Variants in PAPPA2 observed in about 807,000 individuals in gnomAD.
The protein encoded by PAPPA2 is pappalysin-2.
PAPPA2 carries 86 observed loss-of-function variants against 176.4 expected under a neutral mutation model. The ratio of observed to expected loss-of-function variants is 0.49; its 90% confidence interval spans 0.41 to 0.58. PAPPA2 has a LOEUF of 0.58. Among genes scored for constraint, PAPPA2 ranks in the 20% least tolerant of loss-of-function variants. The pLI, the probability that PAPPA2 is intolerant of heterozygous loss-of-function variation, is 0.00. For synonymous variants in PAPPA2, 809 were observed against 852.2 expected, an observed-to-expected ratio of 0.95 and a Z score of 0.88; for missense variants, 2,073 against 2,256.9, an observed-to-expected ratio of 0.92 and a Z score of 1.65.
intron 12 of PAPPA2, among the ~76,000 whole-genome samples, chr1:176,736,356 TC>T (rs1463699320): frequency 6.6e-6 from 1 of 151,680 alleles, no homozygotes; most frequent in Non-Finnish European, 1.5e-5. Flanking sequence ...AAAATGTATT[TC>T]TTTTGTACAA....
intron 3 of PAPPA2, among the ~76,000 whole-genome samples, chr1:176,631,353 A>G (rs1656329062): frequency 6.6e-6 from 1 of 152,176 alleles, no homozygotes; most frequent in Admixed American, 6.5e-5. Context: ...GAGACTGAAA[A>G]GAGATTAGAG....
chr1:176,544,401 C>T (rs2206510), intron 1 of PAPPA2, among the ~76,000 whole-genome samples: 29,985 of 152,140 alleles, frequency 0.2, 3,782 homozygotes, highest in East Asian at 0.27. Context: ...GATTTGGAAA[C>T]ACTGATGGCC....
intron 1 of PAPPA2, among the ~76,000 whole-genome samples, chr1:176,499,758 G>A (rs1235717651): frequency 2.0e-5 from 3 of 152,200 alleles, no homozygotes; most frequent in Non-Finnish European, 4.4e-5. Flanking sequence ...CTTAATCACA[G>A]TCTATCATAC....
chr1:176,801,431 G>C (rs1472258320), intron 21 of PAPPA2, among the ~76,000 whole-genome samples: 1 of 152,044 alleles, frequency 6.6e-6, no homozygotes, highest in Non-Finnish European at 1.5e-5. Context: ...GAAAGGGTGG[G>C]GTTTGAGAGA....
intron 3 of PAPPA2, among the ~76,000 whole-genome samples, chr1:176,669,027 T>A (rs967212313): frequency 6.6e-6 from 1 of 151,876 alleles, no homozygotes. Context: ...TGAGGGAGGA[T>A]GGGAGGATGG....
At chr1:176,806,517 G>A (rs1370464926) in intron 21 of PAPPA2, among the ~76,000 whole-genome samples, 1 of 152,202 alleles carries the variant, frequency 6.6e-6, no homozygotes, top group Non-Finnish European at 1.5e-5. Flanking sequence ...ACCCTGTCAT[G>A]AGTGGAATCA....
chr1:176,553,285 G>A (rs1023672162), intron 1 of PAPPA2, among the ~76,000 whole-genome samples: 1 of 147,732 alleles, frequency 6.8e-6, no homozygotes, highest in Non-Finnish European at 1.5e-5. Context: ...GGCTGAGGGA[G>A]GGAGGGGGCA....
chr1:176,667,898 G>T (rs1404214352), intron 3 of PAPPA2, among the ~76,000 whole-genome samples: 9 of 152,026 alleles, frequency 5.9e-5, no homozygotes, highest in Non-Finnish European at 1.0e-4. Context: ...CTTTTACTTT[G>T]TTTAGTTGGG....
intron 17 of PAPPA2, among the ~76,000 whole-genome samples, chr1:176,778,861 T>C (rs1234103132): frequency 1.3e-5 from 2 of 152,188 alleles, no homozygotes; most frequent in Non-Finnish European, 2.9e-5. Flanking sequence ...CTTGAAATCC[T>C]CAAATATCTT....
chr1:176,512,290 A>G (rs34060133), intron 1 of PAPPA2, among the ~76,000 whole-genome samples: 2 of 151,992 alleles, frequency 1.3e-5, no homozygotes, highest in Non-Finnish European at 2.9e-5. Flanking sequence ...GAACTTTCAT[A>G]CACTGTTGGT....
rs78141634 is a variant in PAPPA2, at chr1:176,761,296, A to G, written c.4152-4370A>G. 4.6e-3 allele frequency among the ~76,000 whole-genome samples: 701 copies of G among 152,164 alleles called. 7 individuals carry two copies. The highest frequency in any genetic ancestry group is 0.016 in the African/African-American group (684 of 41,488). The stretch of plus-strand genomic sequence containing the variant: ...TTGACTTAAACCTCCCTTGTGAAAA[A>G]CTCAATCCTTTGGCTTAAAACACTG... On this transcript the variant is annotated intron_variant, in intron 14 of 22. Transcript: ENST00000367662.
intron 9 of PAPPA2, among the ~76,000 whole-genome samples, chr1:176,704,229 G>C (rs1249179299): frequency 1.3e-5 from 2 of 152,154 alleles, no homozygotes; most frequent in African/African-American, 4.8e-5. Flanking sequence ...CTTGGCTACT[G>C]GGTCTCGCAA....
intron 12 of PAPPA2, among the ~76,000 whole-genome samples, chr1:176,720,314 T>C (rs563676593): frequency 2.0e-5 from 3 of 152,312 alleles, no homozygotes; most frequent in African/African-American, 7.2e-5. Context: ...GTGTATTGTG[T>C]CTTCTTTCAT....
In PAPPA2 at chr1:176,489,331, A is replaced by C. The variant is rs970542650; in HGVS notation, c.-917+25913A>C. On this transcript the variant is annotated intron_variant, in intron 1 of 22. Coordinates refer to ENST00000367662, the MANE Select transcript of PAPPA2 (RefSeq NM_020318.3). ...ACTGGTCTTAGCACCTCCCCACTCT[A>C]ATGTATGGGATTTTAATGCATAGAG... Among the ~76,000 whole-genome samples the C allele has an allele frequency of 4.6e-5, 7 of 152,120 alleles. No homozygotes were observed. The East Asian group carries it at 1.3e-3, about 29-fold the overall frequency.
At chr1:176,622,075 A>C (rs1655630151) in intron 3 of PAPPA2, among the ~76,000 whole-genome samples, 1 of 152,068 alleles carries the variant, frequency 6.6e-6, no homozygotes, top group South Asian at 2.1e-4. Context: ...CTGAATTGGG[A>C]GTTGTTGCTT....
At chr1:176,759,485 GA>G (rs944261893) in intron 14 of PAPPA2, among the ~76,000 whole-genome samples, 8 of 151,650 alleles carry the variant, frequency 5.3e-5, no homozygotes, top group Non-Finnish European at 1.0e-4. Context: ...TCTTACATAG[GA>G]AAAAAAATTA....
At position 176,571,410 on chromosome 1, in the gene PAPPA2, AT is replaced by A. The variant is rs375860225; in HGVS notation, c.919+14170del. Among the ~76,000 whole-genome samples, 284 of 152,336 alleles carry A rather than the reference AT, an allele frequency of 1.9e-3. 1 individual carries two copies. The highest frequency in any genetic ancestry group is 3.4e-3 in the Middle Eastern group (1 of 294). ...GTCCCTCATCTGTAAAATGGAGGCA[AT>A]GGTAATTTCTGTCTCAGAATTGTTG... On this transcript the variant is annotated intron_variant, in intron 2 of 22. Coordinates refer to ENST00000367662, the MANE Select transcript of PAPPA2 (RefSeq NM_020318.3).
At chr1:176,578,481 A>G (rs969689058) in intron 2 of PAPPA2, among the ~76,000 whole-genome samples, 1 of 152,192 alleles carries the variant, frequency 6.6e-6, no homozygotes, top group African/African-American at 2.4e-5. Context: ...ATTTGACTTC[A>G]GGAGCAGAGT....
intron 1 of PAPPA2, among the ~76,000 whole-genome samples, chr1:176,484,598 C>T (rs568572469): frequency 6.6e-6 from 1 of 152,262 alleles, no homozygotes; most frequent in African/African-American, 2.4e-5. Flanking sequence ...TCATCAAGCT[C>T]GGGGATTCTT....
Sources: gnomAD v4.1 joint callset for allele counts (sites outside exome capture counted in the v4.1 genomes callset) on GRCh38, gnomAD v4.1.1 for gene constraint, MANE v1.5 for transcripts, NCBI Gene and HGNC (gene_info 2026-07-23, HGNC 2026-07-21) for gene names.